Variants in UBXN2A observed in about 807,000 individuals in gnomAD.
The protein encoded by UBXN2A is UBX domain-containing protein 2A.
A neutral mutation model predicts 28.4 loss-of-function variants in UBXN2A; 28 were observed. The observed-to-expected ratio is 0.99, with a 90% confidence interval of 0.73 to 1.35. The LOEUF (loss-of-function observed/expected upper bound fraction) is 1.35, where lower values mean the gene tolerates loss of function less well. UBXN2A is among the 40% of genes most tolerant of loss of function. The probability of loss-of-function intolerance (pLI) is 0.00; values close to 1 mark genes in which losing one functional copy is unlikely to be tolerated. For synonymous variants in UBXN2A, 97 were observed against 103.6 expected, an observed-to-expected ratio of 0.94 and a Z score of 0.39; for missense variants, 253 against 297.9, an observed-to-expected ratio of 0.85 and a Z score of 1.11.
At chr2:23,998,526 T>G (rs1258291266) in intron 6 of UBXN2A, among the ~76,000 whole-genome samples, 1 of 152,006 alleles carries the variant, frequency 6.6e-6, no homozygotes, top group Non-Finnish European at 1.5e-5. Flanking sequence ...TCAAACAAGC[T>G]TGGCCAACAT....
chr2:23,963,413 G>A (rs114286852), intron 2 of UBXN2A, among the ~76,000 whole-genome samples: 3,332 of 151,058 alleles, frequency 0.022, 132 homozygotes, highest in African/African-American at 0.077. Context: ...TACTCGGGGG[G>A]CTGAGGCAAG....
chr2:23,969,998 T>G (rs927663536), intron 2 of UBXN2A, among the ~76,000 whole-genome samples: 3 of 152,132 alleles, frequency 2.0e-5, no homozygotes, highest in African/African-American at 7.2e-5. Flanking sequence ...CCTTTAAAAA[T>G]AACACATTTT....
intron 4 of UBXN2A, among the ~76,000 whole-genome samples, chr2:23,982,292 G>A (rs969900874): frequency 4.6e-5 from 7 of 151,922 alleles, no homozygotes; most frequent in Admixed American, 2.0e-4. Context: ...GCGTGAACCC[G>A]GGAGGCGGAG....
At chr2:23,948,744 G>C (rs1706217707) in intron 1 of UBXN2A, among the ~76,000 whole-genome samples, 1 of 152,118 alleles carries the variant, frequency 6.6e-6, no homozygotes. Context: ...AAGTGATGTA[G>C]CCAGTATTCC....
intron 2 of UBXN2A, among the ~76,000 whole-genome samples, chr2:23,964,573 T>TA (rs1707087223): frequency 6.6e-6 from 1 of 152,118 alleles, no homozygotes; most frequent in Non-Finnish European, 1.5e-5. Context: ...CTTGAGGATA[T>TA]AATGGTGGTT....
At chr2:23,929,236 C>T (rs1705297694) in intron 1 of UBXN2A, among the ~76,000 whole-genome samples, 1 of 151,934 alleles carries the variant, frequency 6.6e-6, no homozygotes, top group African/African-American at 2.4e-5. Context: ...AATCCCCCTG[C>T]CCCAGCCTCC....
At chr2:23,939,830 C>G (rs1040679500), upstream of UBXN2A, among the ~76,000 whole-genome samples, 2 of 152,172 alleles carry the variant, frequency 1.3e-5, no homozygotes, top group African/African-American at 4.8e-5. Flanking sequence ...CACAAAGGGG[C>G]CGGGCGCGGT....
intron 2 of UBXN2A, among the ~76,000 whole-genome samples, chr2:23,968,389 T>C (rs1707259953): frequency 6.6e-6 from 1 of 152,016 alleles, no homozygotes; most frequent in African/African-American, 2.4e-5. Flanking sequence ...TAACAGTATC[T>C]AACTTTGCCG....
intron 2 of UBXN2A, among the ~76,000 whole-genome samples, chr2:23,960,488 A>G (rs1465220064): frequency 6.6e-6 from 1 of 152,212 alleles, no homozygotes; most frequent in South Asian, 2.1e-4. Context: ...CTTAAAATAT[A>G]TAGTTCAGTA....
At chr2:23,979,268 C>G (rs1294411648) in intron 4 of UBXN2A, among the ~76,000 whole-genome samples, 1 of 151,948 alleles carries the variant, frequency 6.6e-6, no homozygotes, top group Non-Finnish European at 1.5e-5. Flanking sequence ...TTGCTTGAAC[C>G]CAGGAGGCAG....
chr2:23,996,812 A>G (rs1191951640), intron 6 of UBXN2A: 1 of 132,060 alleles, frequency 7.6e-6, no homozygotes, highest in Non-Finnish European at 1.6e-5. Flanking sequence ...GGGTCTCGCT[A>G]TGTTGCCCAG....
At chr2:23,950,413 A>T (rs1706307043) in intron 1 of UBXN2A, among the ~76,000 whole-genome samples, 1 of 151,920 alleles carries the variant, frequency 6.6e-6, no homozygotes, top group Non-Finnish European at 1.5e-5. Context: ...TATTATTATT[A>T]CTGTTTTTGA....
At chr2:23,958,822 G>T (rs2150835759) in intron 2 of UBXN2A, among the ~76,000 whole-genome samples, 1 of 152,204 alleles carries the variant, frequency 6.6e-6, no homozygotes, top group East Asian at 1.9e-4. Flanking sequence ...TATCTGAAAG[G>T]TTTTATGTGT....
intron 6 of UBXN2A, among the ~76,000 whole-genome samples, chr2:23,993,152 T>C (rs1250357012): frequency 6.6e-6 from 1 of 152,246 alleles, no homozygotes; most frequent in Non-Finnish European, 1.5e-5. Flanking sequence ...TGGAATGTTC[T>C]TTTGTGACCT....
intron 3 of UBXN2A, 24 bp from the exon 4 acceptor site, chr2:23,976,945 A>C: frequency 6.4e-7 from 1 of 1,568,426 alleles, no homozygotes; most frequent in Admixed American, 1.7e-5. Flanking sequence ...AACATGACGC[A>C]TTTTGTTTCC....
In UBXN2A at chr2:23,973,920, G is replaced by A. The variant is rs138864634; in HGVS notation, c.180+2506G>A. 2.8e-3 allele frequency among the ~76,000 whole-genome samples: 432 copies of A among 152,118 alleles called. 6 individuals are homozygous for A. Among genetic ancestry groups the A allele is most frequent in the Admixed American group, 0.018 (277 of 15,260 alleles). ...GCTGGGATTACAGGCATGAGCCACC[G>A]TGCCCGGCCCTGCCTGGTAGATATT... On this transcript the variant is annotated intron_variant, in intron 3 of 6. Coordinates refer to ENST00000309033, the MANE Select transcript of UBXN2A (RefSeq NM_181713.4).
At chr2:23,938,712 G>T (rs920271303), upstream of UBXN2A, among the ~76,000 whole-genome samples, 1 of 151,852 alleles carries the variant, frequency 6.6e-6, no homozygotes, top group African/African-American at 2.4e-5. Flanking sequence ...CTACTATACA[G>T]CTACAGTAAT....
At chr2:23,996,936 C>G (rs975770560) in intron 6 of UBXN2A, 1 of 152,172 alleles carries the variant, frequency 6.6e-6, no homozygotes, top group Non-Finnish European at 1.5e-5. Flanking sequence ...GAACCTCTTT[C>G]ACCTGGAGTT....
chr2:23,960,727 G>A (rs1399080310), intron 2 of UBXN2A, among the ~76,000 whole-genome samples: 1 of 152,020 alleles, frequency 6.6e-6, no homozygotes, highest in Non-Finnish European at 1.5e-5. Flanking sequence ...CCACCTCCCA[G>A]GTTCAAGCAA....
Sources: allele counts gnomAD v4.1 joint callset (sites outside exome capture counted in the v4.1 genomes callset), GRCh38; gene constraint gnomAD v4.1.1; transcripts MANE v1.5; gene names NCBI Gene and HGNC (gene_info 2026-07-23, HGNC 2026-07-21).